CDH18: variants seen among roughly 807,000 people sequenced by gnomAD.
CDH18 encodes cadherin-18.
In CDH18, 31 loss-of-function variants were observed where a neutral mutation model predicts 67.9. The observed-to-expected ratio is 0.46, with a 90% CI of 0.34 to 0.62. The LOEUF (loss-of-function observed/expected upper bound fraction) is 0.62, where lower values mean the gene tolerates loss of function less well. Ranked by LOEUF, CDH18 falls within the 20% of genes least tolerant of loss-of-function variation. CDH18 has a pLI of 0.01. For synonymous variants in CDH18, 362 were observed against 347.2 expected (o/e 1.04, Z -0.48); for missense variants, 890 against 975.5 (o/e 0.91, Z 1.17).
At chr5:20,355,455 T>A (rs1741534152) in intron 1 of CDH18, among the ~76,000 whole-genome samples, 1 of 152,248 alleles carries the variant, frequency 6.6e-6, no homozygotes, top group African/African-American at 2.4e-5. Flanking sequence ...CTTTTTCAAG[T>A]ACAATACCCT....
intron 2 of CDH18, among the ~76,000 whole-genome samples, chr5:20,140,089 C>T (rs1400513961): frequency 6.6e-6 from 1 of 152,088 alleles, no homozygotes; most frequent in African/African-American, 2.4e-5. Flanking sequence ...TAATGATAGA[C>T]TGGATTAAGA....
chr5:20,369,681 G>A (rs576345748), intron 1 of CDH18, among the ~76,000 whole-genome samples: 16 of 152,318 alleles, frequency 1.1e-4, no homozygotes, highest in Admixed American at 3.3e-4. Flanking sequence ...CAGTGGCCAT[G>A]AGCCAACATT....
intron 2 of CDH18, among the ~76,000 whole-genome samples, chr5:20,175,037 G>A (rs1737124096): frequency 6.6e-6 from 1 of 152,088 alleles, no homozygotes; most frequent in Admixed American, 6.6e-5. Flanking sequence ...GGTCTAGACT[G>A]TGTCTGTTCA....
intron 4 of CDH18, among the ~76,000 whole-genome samples, chr5:19,739,486 A>G (rs1768818423): frequency 6.6e-6 from 1 of 152,158 alleles, no homozygotes; most frequent in Admixed American, 6.5e-5. Context: ...CTAGATGACT[A>G]CAGCGCAATG....
chr5:20,458,405 G>A (rs1750989630), intron 1 of CDH18, among the ~76,000 whole-genome samples: 1 of 152,122 alleles, frequency 6.6e-6, no homozygotes, highest in South Asian at 2.1e-4. Context: ...ATTACCTGAG[G>A]CTGGTAGTTC....
At chr5:20,536,026 AG>A (rs899878988) in intron 1 of CDH18, among the ~76,000 whole-genome samples, 3 of 152,158 alleles carry the variant, frequency 2.0e-5, no homozygotes, top group African/African-American at 7.2e-5. Context: ...TTTATTGTCC[AG>A]TGTCTAAAAC....
intron 2 of CDH18, among the ~76,000 whole-genome samples, chr5:19,863,733 T>C (rs977555743): frequency 6.6e-6 from 1 of 152,086 alleles, no homozygotes; most frequent in African/African-American, 2.4e-5. Flanking sequence ...GCATAAAGCC[T>C]AATAATCAGG....
chr5:20,486,891 A>G (rs1753225717), intron 1 of CDH18, among the ~76,000 whole-genome samples: 2 of 152,244 alleles, frequency 1.3e-5, no homozygotes, highest in African/African-American at 2.4e-5. Context: ...TAAACCAGAT[A>G]TGGTTTTTGT....
At chr5:20,343,221 T>C (rs1195622172) in intron 1 of CDH18, among the ~76,000 whole-genome samples, 1 of 152,190 alleles carries the variant, frequency 6.6e-6, no homozygotes, top group Admixed American at 6.5e-5. Flanking sequence ...TGTAGAGCCC[T>C]GGCATTGGCT....
intron 1 of CDH18, among the ~76,000 whole-genome samples, chr5:20,316,107 G>C (rs952225550): frequency 6.6e-6 from 1 of 151,966 alleles, no homozygotes; most frequent in Non-Finnish European, 1.5e-5. Context: ...CAAACTCTAA[G>C]GATTAATTTT....
chr5:19,821,799 G>C (rs1779907072), intron 3 of CDH18, among the ~76,000 whole-genome samples: 2 of 152,072 alleles, frequency 1.3e-5, no homozygotes, highest in South Asian at 4.2e-4. Flanking sequence ...AGAGATCAGG[G>C]CCCTATTTTC....
At chr5:20,013,746 C>A (rs1737654724) in intron 2 of CDH18, among the ~76,000 whole-genome samples, 1 of 152,002 alleles carries the variant, frequency 6.6e-6, no homozygotes, top group Non-Finnish European at 1.5e-5. Context: ...TTTTTACATA[C>A]AAAATCTTAA....
chr5:19,876,448 G>A lies in CDH18; in HGVS notation c.-256-37206C>T, dbSNP rs188547942. Among the ~76,000 whole-genome samples the A allele has an allele frequency of 9.4e-4, 143 of 152,154 alleles. 1 individual carries two copies. Among genetic ancestry groups the A allele is most frequent in the Non-Finnish European group, 1.6e-3 (106 of 67,988 alleles). On this transcript the variant is annotated intron_variant, in intron 2 of 12. Coordinates refer to ENST00000382275, the MANE Select transcript of CDH18 (RefSeq NM_004934.5). ...AACAATAACGGGCCAGAGAGTTCCC[G>A]TTATCTGGAAAAATCACTGTCTCAT...
rs188868710 is a variant in CDH18, at chr5:19,529,852, A to T, written c.1391-9074T>A. 1.6e-3 allele frequency among the ~76,000 whole-genome samples: 249 copies of T among 152,262 alleles called. 1 individual carries two copies. The highest frequency in any genetic ancestry group is 0.01 in the Middle Eastern group (3 of 294). ...ATGGATAAAATGCTCAATGTTGTTC[A>T]TTGAGGTGTCCATGCTCCCAAATTG... is the stretch of plus-strand genomic sequence containing the variant. On this transcript the variant is annotated intron_variant, in intron 9 of 12. Transcript: ENST00000382275.
At chr5:19,817,002 T>A (rs539338114) in intron 3 of CDH18, among the ~76,000 whole-genome samples, 1 of 151,786 alleles carries the variant, frequency 6.6e-6, no homozygotes, top group Admixed American at 6.6e-5. Context: ...GCACCTATTA[T>A]GTAAAGAATT....
At chr5:20,556,036 T>C (rs1255241704) in intron 1 of CDH18, among the ~76,000 whole-genome samples, 1 of 152,198 alleles carries the variant, frequency 6.6e-6, no homozygotes, top group Non-Finnish European at 1.5e-5. Flanking sequence ...TTTTGTTTCC[T>C]TTACATTATC....
intron 2 of CDH18, among the ~76,000 whole-genome samples, chr5:20,046,209 T>C (rs1197863857): frequency 6.6e-6 from 1 of 151,928 alleles, no homozygotes; most frequent in African/African-American, 2.4e-5. Context: ...GCCCATGGAA[T>C]TTGTTGACAG....
intron 1 of CDH18, among the ~76,000 whole-genome samples, chr5:20,285,009 A>G (rs1468597866): frequency 6.6e-6 from 1 of 151,912 alleles, no homozygotes; most frequent in African/African-American, 2.4e-5. Context: ...AAGTCAATAC[A>G]TCATAGAAAT....
chr5:19,641,629 T>C (rs2150226628), intron 5 of CDH18, among the ~76,000 whole-genome samples: 1 of 152,140 alleles, frequency 6.6e-6, no homozygotes, highest in Middle Eastern at 3.4e-3. Flanking sequence ...TTAGCATTTA[T>C]TAATCAGTAA....
Sources: gnomAD v4.1 joint callset for allele counts (sites outside exome capture counted in the v4.1 genomes callset) on GRCh38, gnomAD v4.1.1 for gene constraint, MANE v1.5 for transcripts, NCBI Gene and HGNC (gene_info 2026-07-23, HGNC 2026-07-21) for gene names.